Variants in DNAH14 observed in about 807,000 individuals in gnomAD.
DNAH14 encodes the protein axonemal beta dynein heavy chain 14.
DNAH14 carries 478 observed loss-of-function variants against 520.9 expected under a neutral mutation model. That is an observed-to-expected ratio of 0.92 (90% CI 0.85 to 0.99). The LOEUF (loss-of-function observed/expected upper bound fraction) is 0.99. Ranked by LOEUF, DNAH14 falls within the 50% of genes least tolerant of loss-of-function variation. The probability of loss-of-function intolerance (pLI) is 0.00; values close to 1 mark genes in which losing one functional copy is unlikely to be tolerated. For synonymous variants in DNAH14, 1,581 were observed against 1,757.2 expected (o/e 0.90, Z 2.51); for missense variants, 4,831 against 5,234.5 (o/e 0.92, Z 2.38).
At chr1:225,237,083 G>C (rs1348135944) in intron 42 of DNAH14, among the ~76,000 whole-genome samples, 2 of 152,000 alleles carry the variant, frequency 1.3e-5, no homozygotes, top group African/African-American at 4.8e-5. Context: ...CAGCCTATGT[G>C]TGTCTTTGCA....
At chr1:225,134,821 T>C (rs1049822226) in intron 27 of DNAH14, among the ~76,000 whole-genome samples, 1 of 152,162 alleles carries the variant, frequency 6.6e-6, no homozygotes. Flanking sequence ...TTTGTACCTC[T>C]GATAGTATTC....
intron 76 of DNAH14, among the ~76,000 whole-genome samples, 169 bp from the exon 77 acceptor site, chr1:225,367,636 G>A (rs1385453736): frequency 6.6e-6 from 1 of 152,170 alleles, no homozygotes; most frequent in Non-Finnish European, 1.5e-5. Flanking sequence ...TTTTAGAGAC[G>A]TTTTTACATG....
At chr1:224,966,837 C>T (rs573751707) in intron 5 of DNAH14, among the ~76,000 whole-genome samples, 3 of 152,184 alleles carry the variant, frequency 2.0e-5, no homozygotes, top group Non-Finnish European at 4.4e-5. Flanking sequence ...ATGTGAACCA[C>T]CTCACTCAGC....
intron 34 of DNAH14, among the ~76,000 whole-genome samples, chr1:225,156,681 T>A (rs1380926085): frequency 6.6e-6 from 1 of 151,298 alleles, no homozygotes. Flanking sequence ...TACATCTGGA[T>A]ACTCTAGGAT....
chr1:224,995,720 T>A (rs891309157), intron 8 of DNAH14, among the ~76,000 whole-genome samples: 1 of 151,960 alleles, frequency 6.6e-6, no homozygotes, highest in Admixed American at 6.6e-5. Context: ...GTAGGCTTTT[T>A]TTATTCTTTT....
At chr1:225,243,962 G>A (rs1036247566) in intron 43 of DNAH14, among the ~76,000 whole-genome samples, 1 of 152,038 alleles carries the variant, frequency 6.6e-6, no homozygotes, top group Admixed American at 6.6e-5. Flanking sequence ...TGCCCAGTCA[G>A]TATGATATTG....
At chr1:225,242,446 A>G (rs2092020700) in intron 43 of DNAH14, among the ~76,000 whole-genome samples, 1 of 152,102 alleles carries the variant, frequency 6.6e-6, no homozygotes, top group South Asian at 2.1e-4. Flanking sequence ...GTTAAAAACT[A>G]AGACACAAAC....
At chr1:224,933,057 A>G (rs1379897033) in intron 1 of DNAH14, among the ~76,000 whole-genome samples, 1 of 152,154 alleles carries the variant, frequency 6.6e-6, no homozygotes, top group Admixed American at 6.5e-5. Context: ...CTTCCTATCC[A>G]TGAGCATGGG....
At chr1:224,966,147 C>T (rs151290634) in intron 5 of DNAH14, among the ~76,000 whole-genome samples, 369 of 152,136 alleles carry the variant, frequency 2.4e-3, no homozygotes, top group African/African-American at 8.4e-3. Flanking sequence ...ATTTAGAGCT[C>T]ATTTATTTCC....
chr1:225,143,972 T>C (rs1017026714), intron 28 of DNAH14, among the ~76,000 whole-genome samples: 8 of 152,234 alleles, frequency 5.3e-5, no homozygotes, highest in Non-Finnish European at 1.2e-4. Context: ...AAGTTCAATT[T>C]GTTTTGATAC....
chr1:225,089,067 C>A (rs1256742752), intron 21 of DNAH14, among the ~76,000 whole-genome samples: 7 of 151,492 alleles, frequency 4.6e-5, no homozygotes, highest in Non-Finnish European at 1.0e-4. Flanking sequence ...CCAACTTTTT[C>A]AGAAAAGTGT....
chr1:225,153,469 T>G (rs2080710675), intron 33 of DNAH14, among the ~76,000 whole-genome samples: 2 of 152,158 alleles, frequency 1.3e-5, no homozygotes, highest in African/African-American at 2.4e-5. Flanking sequence ...CTTTTAATTT[T>G]CTTTCAATTT....
Position 225,258,037 on chromosome 1 carries a change from T to C in DNAH14, c.6943T>C (p.Tyr2315His). ...AACAGAATGTGGAGAATGCATTAATTATACCGCTACCAGAGACACAACATG... is the reference window on the plus strand; with the variant it reads ...AACAGAATGTGGAGAATGCATTAATCATACCGCTACCAGAGACACAACATG... ...KITECGECINYTATRDTTCLS... is the reference protein window; with the variant it reads ...KITECGECINHTATRDTTCLS... The change falls in exon 45 of 86, where the codon TAT becomes CAT. Residue 2315 changes from tyrosine to histidine, a missense_variant. Physicochemically the swap from Tyr to His is moderately conservative, Grantham distance 83. Coordinates refer to ENST00000682510, the MANE Select transcript of DNAH14 (RefSeq NM_001367479.1). The C allele has an allele frequency of 6.4e-7, 1 of 1,550,636 alleles. No homozygotes were observed. The highest frequency in any genetic ancestry group is 8.7e-7 in the Non-Finnish European group (1 of 1,146,570).
Position 225,156,863 on chromosome 1 carries a change from C to T in DNAH14, c.5274-2451C>T, listed in dbSNP as rs1219838510. On this transcript the variant is annotated intron_variant, in intron 34 of 85. Transcript: ENST00000682510. ...CCAAGTAGCTGGGACTACAGGCGCC[C>T]GCCACTACGCCCGGCTAATTTTTTT... is the stretch of plus-strand genomic sequence containing the variant. 4.4e-5 allele frequency among the ~76,000 whole-genome samples: 6 copies of T among 137,480 alleles called. 1 individual carries two copies. Among genetic ancestry groups the T allele is most frequent in the Admixed American group, 1.5e-4 (2 of 13,534 alleles). 90.2% of individuals were successfully genotyped at this position (137,480 alleles called of 152,430 possible). A position where few individuals can be genotyped will look rare whatever the true frequency, so the allele number is the denominator to read the frequency against.
chr1:225,127,411 A>G (rs2077853410), intron 27 of DNAH14, among the ~76,000 whole-genome samples: 3 of 151,916 alleles, frequency 2.0e-5, no homozygotes, highest in Non-Finnish European at 4.4e-5. Flanking sequence ...GTGCATATAT[A>G]TTTAGGATAG....
intron 41 of DNAH14, among the ~76,000 whole-genome samples, chr1:225,209,769 G>C (rs1365702705): frequency 2.0e-5 from 3 of 152,162 alleles, no homozygotes; most frequent in Non-Finnish European, 4.4e-5. Flanking sequence ...CGCAGAAGGT[G>C]GGTGATTTCT....
intron 11 of DNAH14, chr1:225,024,234 T>A: frequency 1.0e-6 from 1 of 986,090 alleles, no homozygotes; most frequent in Non-Finnish European, 1.2e-6. Context: ...GTCTTCCAGG[T>A]TCAGAGTTAG....
At chr1:225,374,942 G>C in intron 78 of DNAH14, 57 bp downstream of exon 78, 1 of 1,402,796 alleles carries the variant, frequency 7.1e-7, no homozygotes, top group African/African-American at 1.5e-5. Flanking sequence ...AAACATTGTT[G>C]CTTTATTTAA....
intron 27 of DNAH14, among the ~76,000 whole-genome samples, chr1:225,140,470 G>A (rs559998301): frequency 2.0e-5 from 3 of 152,270 alleles, no homozygotes; most frequent in Non-Finnish European, 4.4e-5. Context: ...TCATCTTGGA[G>A]TTTTCCACCA....
Sources: gnomAD v4.1 joint callset for allele counts (sites outside exome capture counted in the v4.1 genomes callset) on GRCh38, gnomAD v4.1.1 for gene constraint, MANE v1.5 for transcripts, NCBI Gene and HGNC (gene_info 2026-07-23, HGNC 2026-07-21) for gene names.